NEURL2: variants seen among roughly 807,000 people sequenced by gnomAD.
NEURL2 encodes neuralized-like protein 2.
Under a neutral mutation model 15.9 loss-of-function variants are expected in NEURL2, and 16 were observed. That is an observed-to-expected ratio of 1.01 (90% CI 0.68 to 1.53). The LOEUF is 1.53. NEURL2 is among the 40% of genes most tolerant of loss of function. The pLI is 0.00. For missense variants in NEURL2, 393 were observed against 407.8 expected (o/e 0.96, Z 0.31); for synonymous variants, 188 against 178.3 (o/e 1.05, Z -0.43).
rs762537945 is a variant in NEURL2 at position 45,890,298 on chromosome 20, C to G, written c.694G>C (p.Val232Leu). The G allele has an allele frequency of 1.2e-6, 2 of 1,613,522 alleles. No individual in the cohort carries two copies. Among genetic ancestry groups the G allele is most frequent in the Admixed American group, 1.7e-5 (1 of 60,022 alleles). ...AAQPLYAVVDVFASTKSVRLV... is the reference protein window; with the variant it reads ...AAQPLYAVVDLFASTKSVRLV... The stretch of plus-strand genomic sequence containing the variant: ...CGCACGCTCTTTGTGGAAGCAAACA[C>G]GTCCACCACCGCGTAGAGGGGCTGC... Residue 232 changes from valine to leucine, a missense_variant, in exon 1 of 2, where the codon GTG becomes CTG. Physicochemically the swap from Val to Leu is conservative, Grantham distance 32. Transcript: ENST00000372518.
At position 45,890,418 on chromosome 20, in the gene NEURL2, C is replaced by G; in HGVS notation, c.574G>C (p.Val192Leu). Residue 192 changes from valine to leucine, a missense_variant, in exon 1 of 2, where the codon GTC becomes CTC. By Grantham distance (32) the Val-to-Leu change is conservative. Coordinates refer to ENST00000372518, the MANE Select transcript of NEURL2 (RefSeq NM_080749.4). ...PPTARRSRLG[V>L]LFCPRPDGTA... ...CCATCGGGGCGCGGGCAAAAGAGGA[C>G]ACCCAGGCGGCTACGGCGCGCGGTC... 1 of 1,611,618 alleles carries G rather than the reference C, an allele frequency of 6.2e-7. No homozygotes were observed. The highest frequency in any genetic ancestry group is 8.5e-7 in the Non-Finnish European group (1 of 1,179,200).
rs759545007 is a variant in NEURL2 at position 45,890,379 on chromosome 20, G to C, written c.613C>G (p.His205Asp). 1 of 1,612,804 alleles carries C rather than the reference G, an allele frequency of 6.2e-7. No homozygotes were observed. Among genetic ancestry groups the C allele is most frequent in the Non-Finnish European group, 8.5e-7 (1 of 1,179,910 alleles). Reference protein sequence around the residue: ...CPRPDGTADMHIIINGEDMGP... With the variant: ...CPRPDGTADMDIIINGEDMGP... ...ATGTCCTCGCCGTTGATGATGATGTGCATGTCGGCCGTGCCATCGGGGCGC... is the reference window on the plus strand; with the variant it reads ...ATGTCCTCGCCGTTGATGATGATGTCCATGTCGGCCGTGCCATCGGGGCGC... The change falls in exon 1 of 2, where the codon CAC becomes GAC. Residue 205 changes from histidine (H) to aspartate (D), a missense_variant. Transcript: ENST00000372518.
Position 45,890,285 on chromosome 20 carries a change from G to C in NEURL2, c.707C>G (p.Thr236Arg). 2 of 1,613,708 alleles carry C rather than the reference G, an allele frequency of 1.2e-6. No individual in the cohort carries two copies. The highest frequency in any genetic ancestry group is 1.7e-6 in the Non-Finnish European group (2 of 1,180,044). ...GAGCTGGACAAGGCGCACGCTCTTT[G>C]TGGAAGCAAACACGTCCACCACCGC... Reference protein sequence around the residue: ...LYAVVDVFASTKSVRLVQLEY... With the variant: ...LYAVVDVFASRKSVRLVQLEY... The change falls in exon 1 of 2, where the codon ACA becomes AGA. Residue 236 changes from threonine to arginine, a missense_variant. Physicochemically the swap from Thr to Arg is moderately conservative, Grantham distance 71. Transcript: ENST00000372518.
intron 1 of NEURL2, among the ~76,000 whole-genome samples, chr20:45,889,955 C>T (rs534966730): frequency 6.6e-6 from 1 of 152,268 alleles, no homozygotes; most frequent in African/African-American, 2.4e-5. Flanking sequence ...CTCAAAGAGG[C>T]CCCTAATATC....
chr20:45,890,319 G>C lies in NEURL2; in HGVS notation c.673C>G (p.Pro225Ala). 6.2e-7 allele frequency: 1 copy of C among 1,613,312 alleles called. No individual in the cohort carries two copies. Among genetic ancestry groups the C allele is most frequent in the Non-Finnish European group, 8.5e-7 (1 of 1,180,036 alleles). Residue 225 changes from proline (P) to alanine (A), a missense_variant, in exon 1 of 2, where the codon CCC becomes GCC. Physicochemically the swap from Pro to Ala is conservative, Grantham distance 27. Transcript: ENST00000372518. ...PSARGLPAAQ[P>A]LYAVVDVFAS... ...AACACGTCCACCACCGCGTAGAGGG[G>C]CTGCGCAGCTGGCAGTCCCCGGGCG...
Position 45,891,029 on chromosome 20 carries a change from T to C in NEURL2, c.-38A>G. 6.2e-6 allele frequency: 9 copies of C among 1,454,376 alleles called. No homozygotes were observed. Among genetic ancestry groups the C allele is most frequent in the Non-Finnish European group, 8.2e-6 (9 of 1,103,810 alleles). 90.1% of individuals were successfully genotyped at this position (1,454,376 alleles called of 1,614,324 possible). A position where few individuals can be genotyped will look rare whatever the true frequency, so the allele number is the denominator to read the frequency against. ...GGGCAGGCCAGCTGGCGCCGGGGGC[T>C]ATTTTGGGCGGCGGGCAATGATGGT... On this transcript the variant is annotated 5_prime_UTR_variant, in exon 1 of 2. The change creates a new upstream start codon in the 5' untranslated region. Coordinates refer to ENST00000372518, the MANE Select transcript of NEURL2 (RefSeq NM_080749.4). The surrounding 1 kb of genome is among the most constrained non-coding windows in gnomAD (Gnocchi z 4.6).
chr20:45,888,921 T>C (rs1165950082), intron 1 of NEURL2, 48 bp from the exon 2 acceptor site: 1 of 1,610,026 alleles, frequency 6.2e-7, no homozygotes, highest in Admixed American at 1.7e-5. Flanking sequence ...AGGGTGGGTC[T>C]GAGGCCAAGA....
intron 1 of NEURL2, 79 bp downstream of exon 1, chr20:45,890,171 T>C: frequency 5.2e-6 from 8 of 1,524,342 alleles, no homozygotes; most frequent in Non-Finnish European, 7.3e-6. Context: ...GACGAAGGCC[T>C]AGCACATGGG....
In NEURL2 at chr20:45,889,697, T is replaced by G. The variant is rs184415944; in HGVS notation, c.742+553A>C. 5.9e-5 allele frequency among the ~76,000 whole-genome samples: 9 copies of G among 151,402 alleles called. 1 individual carries two copies. The highest frequency in any genetic ancestry group is 2.2e-4 in the African/African-American group (9 of 41,142). ...GGTGAGATCTCGGCTCATTGCAACC[T>G]CCACCTCTCGGGTTCAAGTGACTCT... On this transcript the variant is annotated intron_variant, in intron 1 of 1. Transcript: ENST00000372518.
At position 45,890,338 on chromosome 20, in the gene NEURL2, C is replaced by A. The variant is rs780499100; in HGVS notation, c.654G>T (p.Arg218=). 1 of 1,613,148 alleles carries A rather than the reference C, an allele frequency of 6.2e-7. No individual in the cohort carries two copies. The highest frequency in any genetic ancestry group is 2.2e-5 in the East Asian group (1 of 44,874). ...INGEDMGPSA[R]GLPAAQPLYA... Reference sequence around the variant, plus strand: ...AGAGGGGCTGCGCAGCTGGCAGTCCCCGGGCGCTCGGGCCCATGTCCTCGC... The same window carrying A: ...AGAGGGGCTGCGCAGCTGGCAGTCCACGGGCGCTCGGGCCCATGTCCTCGC... The change falls in exon 1 of 2, where the codon CGG becomes CGT. Residue 218 remains arginine, a synonymous_variant. Coordinates refer to ENST00000372518, the MANE Select transcript of NEURL2 (RefSeq NM_080749.4).
intron 1 of NEURL2, 24 bp from the exon 2 acceptor site, chr20:45,888,897 G>C (rs758354963): frequency 3.7e-6 from 6 of 1,613,640 alleles, no homozygotes; most frequent in Non-Finnish European, 5.1e-6. Context: ...ACTGTGAAAG[G>C]CAAACTGAAC....
chr20:45,890,556 A>G lies in NEURL2; in HGVS notation c.436T>C (p.Tyr146His), dbSNP rs1222709014. 6.2e-6 allele frequency: 10 copies of G among 1,611,590 alleles called. No homozygotes were observed. The South Asian group carries it at 8.8e-5, about 14-fold the overall frequency. The part of the protein sequence containing the change: ...SRPPTLLVEP[Y>H]LRIEQFRIPR... Reference sequence around the variant, plus strand: ...ATGCGAAACTGCTCAATGCGCAGATATGGTTCCACGAGGAGGGTTGGAGGT... The same window carrying G: ...ATGCGAAACTGCTCAATGCGCAGATGTGGTTCCACGAGGAGGGTTGGAGGT... The change falls in exon 1 of 2, where the codon TAT (tyrosine) becomes CAT (histidine). Residue 146 changes from tyrosine (Y) to histidine (H), a missense_variant. Tyr to His is a moderately conservative substitution (Grantham distance 83, BLOSUM62 2). Coordinates refer to ENST00000372518, the MANE Select transcript of NEURL2 (RefSeq NM_080749.4).
intron 1 of NEURL2, among the ~76,000 whole-genome samples, chr20:45,889,313 A>C (rs1986620485): frequency 6.6e-6 from 1 of 151,986 alleles, no homozygotes; most frequent in African/African-American, 2.4e-5. Context: ...CGAAGCCAAT[A>C]GCCAATATGC....
intron 1 of NEURL2, among the ~76,000 whole-genome samples, chr20:45,889,982 T>A (rs1206979214): frequency 2.6e-5 from 4 of 152,200 alleles, no homozygotes; most frequent in Non-Finnish European, 5.9e-5. Flanking sequence ...TGGTTTAGAA[T>A]CCCTGCCCTA....
intron 1 of NEURL2, among the ~76,000 whole-genome samples, chr20:45,889,321 T>C (rs1986621509): frequency 6.6e-6 from 1 of 152,178 alleles, no homozygotes; most frequent in Non-Finnish European, 1.5e-5. Flanking sequence ...ATAGCCAATA[T>C]GCCCAAGTCT....
At chr20:45,890,227 G>T (rs370819402) in intron 1 of NEURL2, 23 bp downstream of exon 1, 14 of 1,613,726 alleles carry the variant, frequency 8.7e-6, no homozygotes, top group Non-Finnish European at 1.1e-5. Flanking sequence ...AGCCAGGAGG[G>T]GTCGCTGCCC....
chr20:45,890,155 C>T lies in NEURL2; in HGVS notation c.742+95G>A, dbSNP rs1052494226. The T allele has an allele frequency of 1.7e-5, 23 of 1,373,020 alleles. No individual in the cohort carries two copies. In the African/African-American group the frequency reaches 1.8e-4, roughly 11 times the overall value. 85.1% of individuals were successfully genotyped at this position (1,373,020 alleles called of 1,614,324 possible). A position where few individuals can be genotyped will look rare whatever the true frequency, so the allele number is the denominator to read the frequency against. On this transcript the variant is annotated intron_variant, in intron 1 of 1. Coordinates refer to ENST00000372518, the MANE Select transcript of NEURL2 (RefSeq NM_080749.4). ...GATTCTCCCACTCTTAAACTAGTGC[C>T]GGACAGACGAAGGCCTAGCACATGG... is the stretch of plus-strand genomic sequence containing the variant.
Position 45,890,904 on chromosome 20 carries a change from G to T in NEURL2, c.88C>A (p.His30Asn). 6.4e-7 allele frequency: 1 copy of T among 1,555,588 alleles called. No homozygotes were observed. Among genetic ancestry groups the T allele is most frequent in the Non-Finnish European group, 8.7e-7 (1 of 1,149,276 alleles). Residue 30 changes from histidine (H) to asparagine (N), a missense_variant, in exon 1 of 2, where the codon CAC becomes AAC. Coordinates refer to ENST00000372518, the MANE Select transcript of NEURL2 (RefSeq NM_080749.4). Reference protein sequence around the residue: ...EPPPTRFHRVHGANIRVDPSG... With the variant: ...EPPPTRFHRVNGANIRVDPSG... ...GGGTCCACGCGGATGTTGGCACCGT[G>T]CACCCGATGGAAGCGGGTGGGAGGG... is the stretch of plus-strand genomic sequence containing the variant.
At position 45,890,880 on chromosome 20, in the gene NEURL2, G is replaced by C. The variant is rs1335322267; in HGVS notation, c.112C>G (p.Pro38Ala). 7.0e-6 allele frequency: 11 copies of C among 1,568,284 alleles called. No homozygotes were observed. The highest frequency in any genetic ancestry group is 9.5e-6 in the Non-Finnish European group (11 of 1,156,004). The stretch of plus-strand genomic sequence containing the variant: ...ACGCGTGTGGCCCGCGTCCCAGAGG[G>C]GTCCACGCGGATGTTGGCACCGTGC... Reference protein sequence around the residue: ...RVHGANIRVDPSGTRATRVES... With the variant: ...RVHGANIRVDASGTRATRVES... The change falls in exon 1 of 2, where the codon CCC (proline) becomes GCC (alanine). Residue 38 changes from proline (P) to alanine (A), a missense_variant. Pro to Ala is a conservative substitution (Grantham distance 27). Coordinates refer to ENST00000372518, the MANE Select transcript of NEURL2 (RefSeq NM_080749.4).
Sources: allele counts gnomAD v4.1 joint callset (sites outside exome capture counted in the v4.1 genomes callset), GRCh38; gene constraint gnomAD v4.1.1; non-coding constraint Gnocchi (gnomAD v3.1); transcripts MANE v1.5; gene names NCBI Gene and HGNC (gene_info 2026-07-23, HGNC 2026-07-21).